The following C8orf34 variants were observed in gnomAD, a reference collection of about 807,000 sequenced individuals.
The protein encoded by C8orf34 is chromosome 8 open reading frame 34, also known as uncharacterized protein C8orf34.
Under a neutral mutation model 68.3 loss-of-function variants are expected in C8orf34, and 65 were observed. The ratio of observed to expected loss-of-function variants is 0.95; its 90% confidence interval spans 0.78 to 1.17. The LOEUF (loss-of-function observed/expected upper bound fraction) is 1.17, where lower values mean the gene tolerates loss of function less well. C8orf34 is among the 50% of genes most tolerant of loss of function. The probability of loss-of-function intolerance (pLI) is 0.00; values close to 1 mark genes in which losing one functional copy is unlikely to be tolerated. For missense variants in C8orf34, 664 were observed against 655.4 expected (o/e 1.01, Z -0.14); for synonymous variants, 244 against 241.2 (o/e 1.01, Z -0.11).
At chr8:68,469,137 ACT>A (rs1812274371) in intron 4 of C8orf34, among the ~76,000 whole-genome samples, 1 of 152,004 alleles carries the variant, frequency 6.6e-6, no homozygotes, top group African/African-American at 2.4e-5. Flanking sequence ...TTGGAAACAT[ACT>A]GTTTTGCATC....
At chr8:68,753,371 T>C (rs1822760134) in intron 10 of C8orf34, among the ~76,000 whole-genome samples, 1 of 152,144 alleles carries the variant, frequency 6.6e-6, no homozygotes, top group Admixed American at 6.6e-5. Flanking sequence ...GAAAGTGAAA[T>C]GGTTTTAGCC....
At chr8:68,391,262 A>T (rs553311656) in intron 1 of C8orf34, among the ~76,000 whole-genome samples, 1 of 152,284 alleles carries the variant, frequency 6.6e-6, no homozygotes, top group South Asian at 2.1e-4. Flanking sequence ...ATACTTGCCA[A>T]TGTCCCACAG....
intron 8 of C8orf34, among the ~76,000 whole-genome samples, chr8:68,647,317 T>A (rs1171124427): frequency 6.6e-6 from 1 of 152,082 alleles, no homozygotes; most frequent in East Asian, 1.9e-4. Context: ...CCCGTGAGGA[T>A]GTAGAGAAAA....
chr8:68,500,897 ACTG>A (rs1813741041), intron 5 of C8orf34, among the ~76,000 whole-genome samples: 2 of 152,150 alleles, frequency 1.3e-5, no homozygotes, highest in African/African-American at 4.8e-5. Flanking sequence ...TGCACAAACC[ACTG>A]CAGACAGGGA....
chr8:68,632,545 G>A (rs188914406), intron 7 of C8orf34, among the ~76,000 whole-genome samples: 292 of 152,078 alleles, frequency 1.9e-3, no homozygotes, highest in Non-Finnish European at 3.1e-3. Context: ...AAGTAATGAG[G>A]AGCCCAATGT....
intron 7 of C8orf34, among the ~76,000 whole-genome samples, chr8:68,585,833 A>G (rs1817193717): frequency 6.6e-6 from 1 of 152,162 alleles, no homozygotes; most frequent in Non-Finnish European, 1.5e-5. Flanking sequence ...GGAGAGAGAC[A>G]GAAAGAGAAA....
At chr8:68,795,706 G>C (rs1824159958) in intron 12 of C8orf34, among the ~76,000 whole-genome samples, 1 of 152,196 alleles carries the variant, frequency 6.6e-6, no homozygotes, top group South Asian at 2.1e-4. Flanking sequence ...AGAGGTGAGA[G>C]ATAGAGCCTT....
At chr8:68,356,284 T>C (rs1315965669) in intron 1 of C8orf34, among the ~76,000 whole-genome samples, 3 of 152,218 alleles carry the variant, frequency 2.0e-5, no homozygotes, top group Admixed American at 1.3e-4. Flanking sequence ...TGGATATCTT[T>C]TCAACAGCTA....
At chr8:68,645,041 G>A (rs904956930) in intron 8 of C8orf34, among the ~76,000 whole-genome samples, 6 of 152,118 alleles carry the variant, frequency 3.9e-5, no homozygotes, top group Non-Finnish European at 7.3e-5. Context: ...GACAGTTTAG[G>A]ATAATTAGTG....
chr8:68,529,135 CTCTG>C (rs1815140122), intron 6 of C8orf34, among the ~76,000 whole-genome samples: 2 of 152,210 alleles, frequency 1.3e-5, no homozygotes, highest in Non-Finnish European at 2.9e-5. Context: ...ATTAATTGTT[CTCTG>C]TCTTTCATTC....
chr8:68,730,921 G>A (rs1010725531), intron 10 of C8orf34, among the ~76,000 whole-genome samples: 5 of 151,988 alleles, frequency 3.3e-5, no homozygotes, highest in African/African-American at 9.7e-5. Flanking sequence ...TTACATTTTC[G>A]GTATTTTGAA....
At chr8:68,406,160 A>G (rs1392925107) in intron 1 of C8orf34, among the ~76,000 whole-genome samples, 1 of 152,202 alleles carries the variant, frequency 6.6e-6, no homozygotes, top group Non-Finnish European at 1.5e-5. Context: ...CAGAGAGGAA[A>G]CAAATGGAAG....
chr8:68,752,204 A>G (rs987088619), intron 10 of C8orf34, among the ~76,000 whole-genome samples: 4 of 152,210 alleles, frequency 2.6e-5, no homozygotes, highest in African/African-American at 9.6e-5. Flanking sequence ...CCTCATTTAG[A>G]GTGATCAAAA....
intron 7 of C8orf34, among the ~76,000 whole-genome samples, chr8:68,540,001 C>T (rs1815641100): frequency 1.3e-5 from 2 of 152,024 alleles, no homozygotes; most frequent in South Asian, 4.1e-4. Flanking sequence ...ATTATAAACA[C>T]ATTTTCAAAA....
intron 1 of C8orf34, among the ~76,000 whole-genome samples, chr8:68,373,634 A>G (rs1252319101): frequency 6.6e-6 from 1 of 152,198 alleles, no homozygotes; most frequent in Non-Finnish European, 1.5e-5. Context: ...GGTTAACTTA[A>G]TGGTAAAATT....
chr8:68,520,025 G>A (rs1344893779), intron 5 of C8orf34, among the ~76,000 whole-genome samples: 1 of 152,110 alleles, frequency 6.6e-6, no homozygotes, highest in Non-Finnish European at 1.5e-5. Context: ...TTAAATTGTG[G>A]CAGATGCATA....
At chr8:68,620,218 T>C (rs1358682458) in intron 7 of C8orf34, among the ~76,000 whole-genome samples, 1 of 152,196 alleles carries the variant, frequency 6.6e-6, no homozygotes, top group Admixed American at 6.5e-5. Flanking sequence ...CTGTGTGCTC[T>C]GAGCGGGACC....
chr8:68,730,354 C>G (rs1356977732), intron 10 of C8orf34, among the ~76,000 whole-genome samples: 1 of 151,982 alleles, frequency 6.6e-6, no homozygotes, highest in Non-Finnish European at 1.5e-5. Context: ...GTGGAATTTC[C>G]CTTGGCTTTT....
intron 10 of C8orf34, among the ~76,000 whole-genome samples, chr8:68,756,715 CA>C (rs1822873035): frequency 6.6e-6 from 1 of 151,950 alleles, no homozygotes; most frequent in African/African-American, 2.4e-5. Flanking sequence ...GTATGTTCAT[CA>C]AAAGAAGACT....
Sources: gnomAD v4.1 joint callset for allele counts (sites outside exome capture counted in the v4.1 genomes callset) on GRCh38, gnomAD v4.1.1 for gene constraint, MANE v1.5 for transcripts, NCBI Gene and HGNC (gene_info 2026-07-23, HGNC 2026-07-21) for gene names.